The following TRA2A variants were observed in gnomAD, a reference collection of about 807,000 sequenced individuals.
TRA2A encodes transformer 2 alpha homolog, also known as transformer-2 protein homolog alpha.
A neutral mutation model predicts 45.7 loss-of-function variants in TRA2A; 31 were observed. The observed-to-expected ratio is 0.68, with a 90% CI of 0.51 to 0.92. TRA2A has a LOEUF of 0.92. TRA2A is among the 40% of genes least tolerant of loss of function. The probability of loss-of-function intolerance (pLI) is 0.00; values close to 1 mark genes in which losing one functional copy is unlikely to be tolerated. For synonymous variants in TRA2A, 132 were observed against 126.2 expected, an observed-to-expected ratio of 1.05 and a Z score of -0.31; for missense variants, 304 against 367.5, an observed-to-expected ratio of 0.83 and a Z score of 1.41.
At chr7:23,516,257 A>G in intron 3 of TRA2A, 106 bp downstream of exon 3, 1 of 1,068,320 alleles carries the variant, frequency 9.4e-7, no homozygotes, top group South Asian at 1.6e-5. Flanking sequence ...ATGTTTCCAG[A>G]GTATCACTTC....
chr7:23,508,275 T>TAAA (rs67642004), intron 4 of TRA2A, among the ~76,000 whole-genome samples: 82 of 101,516 alleles, frequency 8.1e-4, no homozygotes, highest in African/African-American at 2.9e-3. Context: ...TAAAGGTCAT[T>TAAA]AAAAAAAAAA....
chr7:23,507,896 G>A (rs1054459519), intron 4 of TRA2A, among the ~76,000 whole-genome samples: 3 of 152,154 alleles, frequency 2.0e-5, no homozygotes, highest in African/African-American at 4.8e-5. Flanking sequence ...ACAGGGGAGC[G>A]GAGACTGAAG....
chr7:23,517,887 G>C (rs903510154), intron 2 of TRA2A, among the ~76,000 whole-genome samples: 2 of 151,728 alleles, frequency 1.3e-5, no homozygotes, highest in African/African-American at 2.4e-5. Context: ...ACTCCAGCCT[G>C]GGAACAAGCA....
intron 1 of TRA2A, chr7:23,522,568 A>C (rs570746377): frequency 1.2e-3 from 222 of 181,710 alleles, no homozygotes; most frequent in African/African-American, 3.7e-3. Context: ...AAAAAAAAAA[A>C]AAAAAACAAT....
chr7:23,510,730 C>G (rs926869667), intron 4 of TRA2A, among the ~76,000 whole-genome samples: 1 of 152,156 alleles, frequency 6.6e-6, no homozygotes, highest in Non-Finnish European at 1.5e-5. Context: ...TTACACTGTT[C>G]TGGCTTGCAT....
In TRA2A at chr7:23,531,798, G is replaced by C. The variant is rs1413946802; in HGVS notation, c.27C>G (p.Phe9Leu). The C allele has an allele frequency of 6.2e-7, 1 of 1,613,652 alleles. No individual in the cohort carries two copies. Among genetic ancestry groups the C allele is most frequent in the African/African-American group, 1.3e-5 (1 of 75,048 alleles). ...GCGGCTTTGTACTCACTCTGCCCTC[G>C]AAGTTGTTTTCCTCCACATCACTCA... Reference protein sequence around the residue: MSDVEENNFEGRESRSQSK... With the variant: MSDVEENNLEGRESRSQSK... Residue 9 changes from phenylalanine (F) to leucine (L), a missense_variant, in exon 1 of 8, where the codon TTC becomes TTG. Around this residue, in one of 3 missense-constraint regions of TRA2A, gnomAD observed 132 missense variants for 113.4 expected, o/e 1.16. Coordinates refer to ENST00000297071, the MANE Select transcript of TRA2A (RefSeq NM_013293.5).
At chr7:23,517,370 T>C (rs899044247) in intron 2 of TRA2A, among the ~76,000 whole-genome samples, 3 of 147,854 alleles carry the variant, frequency 2.0e-5, no homozygotes, top group East Asian at 4.0e-4. Flanking sequence ...TCCCAGCTAC[T>C]TGGGAGGCTG....
chr7:23,526,023 G>T (rs144364521), intron 1 of TRA2A, among the ~76,000 whole-genome samples: 35 of 152,242 alleles, frequency 2.3e-4, no homozygotes, highest in African/African-American at 8.2e-4. Flanking sequence ...ATACAAGCTG[G>T]TTAAGAATTG....
At chr7:23,512,783 AAAAAG>A in intron 4 of TRA2A, 106 bp downstream of exon 4, 1 of 1,004,082 alleles carries the variant, frequency 1.0e-6, no homozygotes, top group Non-Finnish European at 1.4e-6. Flanking sequence ...TAAAAAAAAA[AAAAAG>A]AAAAAAAGGA....
chr7:23,518,455 C>T (rs978227800), intron 2 of TRA2A, among the ~76,000 whole-genome samples: 10 of 152,102 alleles, frequency 6.6e-5, no homozygotes, highest in African/African-American at 2.2e-4. Flanking sequence ...GATTCTCCTG[C>T]CTCAGCCTCC....
In TRA2A at chr7:23,505,794, A is replaced by T; in HGVS notation, c.790T>A (p.Tyr264Asn). 1.3e-6 allele frequency: 2 copies of T among 1,556,820 alleles called. No homozygotes were observed. Among genetic ancestry groups the T allele is most frequent in the Admixed American group, 2.1e-5 (1 of 47,798 alleles). Residue 264 changes from tyrosine to asparagine, a missense_variant, in exon 7 of 8, where the codon TAT (tyrosine) becomes AAT (asparagine). This residue lies in a region of TRA2A where 42 missense variants were observed against 37.0 expected (regional missense o/e 1.14). Transcript: ENST00000297071. ...YRYRRRSPSPYYSRYRSRSRS... is the reference protein window; with the variant it reads ...YRYRRRSPSPNYSRYRSRSRS... Reference sequence around the variant, plus strand: ...GATCGTGATCTATATCGACTATAATAAGGAGAAGGTGATCGTCTTCTGTAA... The same window carrying T: ...GATCGTGATCTATATCGACTATAATTAGGAGAAGGTGATCGTCTTCTGTAA...
In TRA2A at chr7:23,516,412, C is replaced by T; in HGVS notation, c.287G>A (p.Ser96Asn). Residue 96 changes from serine to asparagine, a missense_variant, in exon 3 of 8, where the codon AGC becomes AAC. Ser to Asn is a conservative substitution (Grantham distance 46, BLOSUM62 1). Around this residue, in one of 3 missense-constraint regions of TRA2A, gnomAD observed 130 missense variants for 217.1 expected, o/e 0.60. Transcript: ENST00000297071. The stretch of plus-strand genomic sequence containing the variant: ...GTTAGACATTGGAGAATGGCTTCGG[C>T]TCCTTCGCCGCCGGTATTCTGGTGT... ...SYTPEYRRRR[S>N]RSHSPMSNRR... The T allele has an allele frequency of 6.2e-7, 1 of 1,614,228 alleles. No individual in the cohort carries two copies. The highest frequency in any genetic ancestry group is 8.5e-7 in the Non-Finnish European group (1 of 1,180,038).
chr7:23,527,826 C>G (rs1456091363), intron 1 of TRA2A, among the ~76,000 whole-genome samples: 1 of 152,136 alleles, frequency 6.6e-6, no homozygotes, highest in Non-Finnish European at 1.5e-5. Context: ...TGCTCCTTTT[C>G]AAAATCTTGC....
In TRA2A at chr7:23,505,884, C is replaced by T. The variant is rs1431873087; in HGVS notation, c.771-71G>A. On this transcript the variant is annotated intron_variant, in intron 6 of 7. Coordinates refer to ENST00000297071, the MANE Select transcript of TRA2A (RefSeq NM_013293.5). The stretch of plus-strand genomic sequence containing the variant: ...CTGAGGCAGATGAAAATAAAAATTC[C>T]TCATCATTCAAAATAATAATGTACC... 10 of 975,910 alleles carry T rather than the reference C, an allele frequency of 1.0e-5. No individual in the cohort carries two copies. In the Admixed American group the frequency reaches 1.3e-4, roughly 13 times the overall value. 60.5% of individuals were successfully genotyped at this position (975,910 alleles called of 1,614,324 possible).
At chr7:23,531,745 G>T in intron 1 of TRA2A, 44 bp downstream of exon 1, 1 of 1,610,190 alleles carries the variant, frequency 6.2e-7, no homozygotes. Context: ...GAAACCCCGA[G>T]CATTGGGCCG....
intron 6 of TRA2A, 151 bp from the exon 7 acceptor site, chr7:23,505,964 G>A: frequency 1.4e-6 from 1 of 708,596 alleles, no homozygotes; most frequent in Non-Finnish European, 2.3e-6. Context: ...GACCAGAAAA[G>A]TATATAGCAC....
In TRA2A at chr7:23,505,249, C is replaced by T. The variant is rs1789259543; in HGVS notation, c.*310G>A. On this transcript the variant is annotated 3_prime_UTR_variant, in exon 8 of 8. Coordinates refer to ENST00000297071, the MANE Select transcript of TRA2A (RefSeq NM_013293.5). Reference sequence around the variant, plus strand: ...AAGCTTTAAAAAGACAGTTTCTTTCCTTATTTGATTAGCTAGAAGTTTATC... The same window carrying T: ...AAGCTTTAAAAAGACAGTTTCTTTCTTTATTTGATTAGCTAGAAGTTTATC... 1 of 297,408 alleles carries T rather than the reference C, an allele frequency of 3.4e-6. No individual in the cohort carries two copies. The highest frequency in any genetic ancestry group is 6.1e-6 in the Non-Finnish European group (1 of 164,396). The allele number at this position is 297,408 out of a possible 1,614,324, so 18.4% of individuals were successfully genotyped here.
At chr7:23,507,862 C>T (rs535951690) in intron 4 of TRA2A, among the ~76,000 whole-genome samples, 67 of 152,232 alleles carry the variant, frequency 4.4e-4, no homozygotes, top group South Asian at 3.5e-3. Flanking sequence ...TGGTTCAATT[C>T]CCATTCCCCA....
chr7:23,530,519 T>C (rs1172984127), intron 1 of TRA2A, among the ~76,000 whole-genome samples: 8 of 152,134 alleles, frequency 5.3e-5, no homozygotes, highest in Non-Finnish European at 8.8e-5. Context: ...GTGACTAGAA[T>C]AAACATCTAC....
Sources: allele counts gnomAD v4.1 joint callset (sites outside exome capture counted in the v4.1 genomes callset), GRCh38; gene constraint gnomAD v4.1.1; regional missense constraint gnomAD v4.1.1; transcripts MANE v1.5; gene names NCBI Gene and HGNC (gene_info 2026-07-23, HGNC 2026-07-21).